GLIS3: variants seen among roughly 807,000 people sequenced by gnomAD.
GLIS3 encodes the protein zinc finger protein GLIS3.
In GLIS3, 53 loss-of-function variants were observed where a neutral mutation model predicts 78.6. That is an observed-to-expected ratio of 0.67 (90% CI 0.54 to 0.85). The LOEUF (loss-of-function observed/expected upper bound fraction) is 0.85, where lower values mean the gene tolerates loss of function less well. Among genes scored for constraint, GLIS3 ranks in the 40% least tolerant of loss-of-function variants. The pLI, the probability that GLIS3 is intolerant of heterozygous loss-of-function variation, is 0.00. For synonymous variants in GLIS3, 684 were observed against 509.9 expected (o/e 1.34, Z -4.60); for missense variants, 1,703 against 1,231.1 (o/e 1.38, Z -5.74).
intron 2 of GLIS3, among the ~76,000 whole-genome samples, chr9:4,247,642 G>A (rs1442909318): frequency 1.3e-5 from 2 of 151,946 alleles, no homozygotes; most frequent in Non-Finnish European, 2.9e-5. Context: ...GAAAGATACA[G>A]ACAATTCAGT....
the GLIS3 span, among the ~76,000 whole-genome samples, chr9:4,403,563 A>C: frequency 6.6e-6 from 1 of 152,212 alleles, no homozygotes; most frequent in Non-Finnish European, 1.5e-5. Context: ...GTCAAAAAGC[A>C]GGGGAACAAA....
rs374278034 is a variant in GLIS3, at chr9:3,828,235, C to G, written c.*37G>C. ...GAAAACAAAAGGTGGCAAGCAACAT[C>G]AAGGTCCTGGGTGTGCAGGAGTGGC... On this transcript the variant is annotated 3_prime_UTR_variant, in exon 11 of 11. Coordinates refer to ENST00000381971, the MANE Select transcript of GLIS3 (RefSeq NM_001042413.2). The G allele has an allele frequency of 1.2e-6, 2 of 1,613,464 alleles. No homozygotes were observed. Among genetic ancestry groups the G allele is most frequent in the South Asian group, 1.1e-5 (1 of 91,044 alleles).
intron 8 of GLIS3, among the ~76,000 whole-genome samples, chr9:3,867,457 G>A (rs867229917): frequency 6.6e-5 from 10 of 152,308 alleles, no homozygotes; most frequent in Admixed American, 6.5e-4. Context: ...AGGATGAAGC[G>A]TGGCTTTGGC....
intron 1 of GLIS3, among the ~76,000 whole-genome samples, chr9:4,288,089 G>C (rs1376911302): frequency 1.3e-5 from 2 of 152,132 alleles, no homozygotes; most frequent in African/African-American, 4.8e-5. Context: ...GATAACCTCA[G>C]TTCTTACATT....
At chr9:4,462,161 C>A in the GLIS3 span, among the ~76,000 whole-genome samples, 1 of 152,154 alleles carries the variant, frequency 6.6e-6, no homozygotes, top group Non-Finnish European at 1.5e-5. Context: ...CTCCCCAGGG[C>A]TGCAGGAGTC....
intron 8 of GLIS3, among the ~76,000 whole-genome samples, chr9:3,860,700 C>G (rs1820157598): frequency 6.6e-6 from 1 of 152,162 alleles, no homozygotes; most frequent in Non-Finnish European, 1.5e-5. Flanking sequence ...GCTGGGTAAA[C>G]AAGTAAATTC....
At chr9:4,068,793 G>A (rs939408317) in intron 4 of GLIS3, among the ~76,000 whole-genome samples, 2 of 151,150 alleles carry the variant, frequency 1.3e-5, no homozygotes, top group Non-Finnish European at 1.5e-5. Context: ...CTTGACTACA[G>A]GTTTTTGTTA....
chr9:3,949,402 G>A (rs1005810132), intron 4 of GLIS3, among the ~76,000 whole-genome samples: 7 of 152,180 alleles, frequency 4.6e-5, no homozygotes, highest in African/African-American at 1.4e-4. Flanking sequence ...CCACTCAGAA[G>A]CCTGGGCTGC....
intron 2 of GLIS3, among the ~76,000 whole-genome samples, chr9:4,209,800 T>A (rs1488543256): frequency 5.1e-5 from 6 of 116,722 alleles, no homozygotes; most frequent in South Asian, 5.0e-4. Flanking sequence ...TCCACCAGAA[T>A]CCAGTAGCAT....
intron 2 of GLIS3, among the ~76,000 whole-genome samples, chr9:4,159,856 C>T (rs923897071): frequency 3.3e-5 from 5 of 152,120 alleles, no homozygotes; most frequent in African/African-American, 1.2e-4. Context: ...GGAGTTAAGA[C>T]GGCAAGCCAA....
chr9:3,884,277 C>G (rs935206676), intron 7 of GLIS3, among the ~76,000 whole-genome samples: 11 of 152,046 alleles, frequency 7.2e-5, no homozygotes, highest in Non-Finnish European at 1.6e-4. Context: ...AGTAGCATCC[C>G]CAAATAAAGA....
chr9:4,297,854 G>A (rs578129228), intron 1 of GLIS3, among the ~76,000 whole-genome samples: 2 of 152,194 alleles, frequency 1.3e-5, no homozygotes, highest in Non-Finnish European at 2.9e-5. Context: ...AGGCGCGTAG[G>A]ACAAGGCAGG....
At chr9:4,415,962 G>A in the GLIS3 span, among the ~76,000 whole-genome samples, 1 of 150,826 alleles carries the variant, frequency 6.6e-6, no homozygotes, top group Non-Finnish European at 1.5e-5. Flanking sequence ...AATATATACT[G>A]CCATTTTAAA....
chr9:4,312,663 A>T (rs1817383202), intron 2 of GLIS3, among the ~76,000 whole-genome samples: 1 of 152,110 alleles, frequency 6.6e-6, no homozygotes, highest in South Asian at 2.1e-4. Context: ...CTATGCTGTT[A>T]CCTTAGGCCT....
chr9:3,857,614 G>A (rs544992912), intron 8 of GLIS3, among the ~76,000 whole-genome samples: 1 of 152,308 alleles, frequency 6.6e-6, no homozygotes, highest in Admixed American at 6.5e-5. Context: ...GTCAAGGCGA[G>A]GAGCTTAAAC....
intron 4 of GLIS3, among the ~76,000 whole-genome samples, chr9:4,042,530 C>T (rs904382398): frequency 2.0e-5 from 3 of 152,156 alleles, no homozygotes; most frequent in East Asian, 1.9e-4. Flanking sequence ...AAACCCCTCA[C>T]CATCTAGTGC....
the GLIS3 span, among the ~76,000 whole-genome samples, chr9:4,419,215 C>G: frequency 6.6e-6 from 1 of 152,188 alleles, no homozygotes; most frequent in African/African-American, 2.4e-5. Context: ...AAAGACTCCA[C>G]TAGGTGCTCA....
chr9:4,221,592 G>C (rs1821334436), intron 2 of GLIS3, among the ~76,000 whole-genome samples: 2 of 151,486 alleles, frequency 1.3e-5, no homozygotes, highest in Admixed American at 6.5e-5. Flanking sequence ...TTTTTTTCAA[G>C]TCCCCCCTTT....
the GLIS3 span, among the ~76,000 whole-genome samples, chr9:4,449,664 G>C: frequency 6.6e-6 from 1 of 152,178 alleles, no homozygotes; most frequent in Non-Finnish European, 1.5e-5. Flanking sequence ...TGCAATATTT[G>C]CTGCTCTGCA....
Sources: gnomAD v4.1 joint callset for allele counts (sites outside exome capture counted in the v4.1 genomes callset) on GRCh38, gnomAD v4.1.1 for gene constraint, MANE v1.5 for transcripts, NCBI Gene and HGNC (gene_info 2026-07-23, HGNC 2026-07-21) for gene names.